Variants in TMEM44 observed in about 807,000 individuals in gnomAD.
TMEM44 encodes transmembrane protein 44.
Under a neutral mutation model 47.8 loss-of-function variants are expected in TMEM44, and 43 were observed. The observed-to-expected ratio is 0.90, with a 90% confidence interval of 0.70 to 1.16. The LOEUF (loss-of-function observed/expected upper bound fraction) is 1.16, where lower values mean the gene tolerates loss of function less well. Among genes scored for constraint, TMEM44 ranks in the 50% most tolerant of loss-of-function variants. The pLI is 0.00. For missense variants in TMEM44, 568 were observed against 555.2 expected, an observed-to-expected ratio of 1.02 and a Z score of -0.23; for synonymous variants, 277 against 238.8, an observed-to-expected ratio of 1.16 and a Z score of -1.48.
intron 5 of TMEM44, among the ~76,000 whole-genome samples, chr3:194,622,379 T>C (rs1165377891): frequency 1.3e-5 from 2 of 152,050 alleles, no homozygotes; most frequent in African/African-American, 4.8e-5. Context: ...TGTTTCTATC[T>C]TTCTTGAAGC....
intron 9 of TMEM44, among the ~76,000 whole-genome samples, chr3:194,591,823 T>TC (rs1560154620): frequency 6.6e-6 from 1 of 151,926 alleles, no homozygotes; most frequent in African/African-American, 2.4e-5. Context: ...GCCAGACTGG[T>TC]CTCCAACTCC....
rs373287099 is a variant in TMEM44, at chr3:194,617,669, G to A, written c.613-400C>T. 7.0e-4 allele frequency: 490 copies of A among 704,074 alleles called. 1 individual carries two copies. The highest frequency in any genetic ancestry group is 7.4e-4 in the Non-Finnish European group (283 of 384,992). 43.6% of individuals were successfully genotyped at this position (704,074 alleles called of 1,614,324 possible). ...TGCCCAGCACCTGACGCTGGGCAGCGGCTCGCCAATGTCCGCTGGGAGAAC... is the reference window on the plus strand; with the variant it reads ...TGCCCAGCACCTGACGCTGGGCAGCAGCTCGCCAATGTCCGCTGGGAGAAC... On this transcript the variant is annotated intron_variant, in intron 5 of 9. Transcript: ENST00000347147.
rs1172177472 is a variant in TMEM44 at position 194,625,746 on chromosome 3, CTGGGATTCCAGGCG to C, written c.358+137_358+150del. 4 of 635,838 alleles carry C rather than the reference CTGGGATTCCAGGCG, an allele frequency of 6.3e-6. No individual in the cohort carries two copies. In the East Asian group the frequency reaches 1.2e-4, roughly 20 times the overall value. The allele number at this position is 635,838 out of a possible 1,614,324, so 39.4% of individuals were successfully genotyped here. On this transcript the variant is annotated intron_variant, in intron 3 of 9. Transcript: ENST00000347147. ...CTGCCCACCTCAGCCTCCCAAAGTG[CTGGGATTCCAGGCG>C]TGAGCCACCGCGCCCAGCCTTTCTC...
At chr3:194,601,224 A>G (rs1714071493) in intron 9 of TMEM44, among the ~76,000 whole-genome samples, 1 of 151,376 alleles carries the variant, frequency 6.6e-6, no homozygotes, top group East Asian at 1.9e-4. Flanking sequence ...GCTCACTGCA[A>G]TCTCCGCCCC....
chr3:194,624,037 G>T (rs1716875607), intron 3 of TMEM44, among the ~76,000 whole-genome samples: 1 of 152,172 alleles, frequency 6.6e-6, no homozygotes, highest in Admixed American at 6.5e-5. Flanking sequence ...TCCTCTGGTG[G>T]TTTCTACAAT....
intron 8 of TMEM44, among the ~76,000 whole-genome samples, chr3:194,610,674 A>G (rs142043120): frequency 1.3e-5 from 2 of 152,034 alleles, no homozygotes; most frequent in African/African-American, 2.4e-5. Flanking sequence ...TTCTTTGTAC[A>G]TTTAAAGCTG....
In TMEM44 at chr3:194,623,026, G is replaced by A. The variant is rs373081263; in HGVS notation, c.612+198C>T. 330 of 487,864 alleles carry A rather than the reference G, an allele frequency of 6.8e-4. 2 individuals are homozygous for A. Among genetic ancestry groups the A allele is most frequent in the African/African-American group, 5.1e-3 (246 of 48,684 alleles). The allele number at this position is 487,864 out of a possible 1,614,324, so 30.2% of individuals were successfully genotyped here. On this transcript the variant is annotated intron_variant, in intron 5 of 9. Transcript: ENST00000347147. Reference sequence around the variant, plus strand: ...GAGAGGCTCCCGCCGTCCTCAGGACGCCCTGGGTTGGCTGCCCACTCTCCA... The same window carrying A: ...GAGAGGCTCCCGCCGTCCTCAGGACACCCTGGGTTGGCTGCCCACTCTCCA...
At chr3:194,623,400 C>G (rs1716791389) in intron 4 of TMEM44, 90 bp from the exon 5 acceptor site, 1 of 1,514,678 alleles carries the variant, frequency 6.6e-7, no homozygotes, top group Admixed American at 2.2e-5. Flanking sequence ...GAGTCCTTTT[C>G]TGCTTTTAGA....
chr3:194,632,825 C>T (rs1717958907), intron 1 of TMEM44: 1 of 507,758 alleles, frequency 2.0e-6, no homozygotes, highest in African/African-American at 2.0e-5. Context: ...ACCCAGGGCT[C>T]GCGGTGTCCT....
intron 5 of TMEM44, chr3:194,617,560 G>A (rs1169805755): frequency 4.6e-6 from 3 of 657,692 alleles, no homozygotes; most frequent in South Asian, 1.7e-5. Flanking sequence ...TCCCTCCAGC[G>A]GAGTACCTTT....
intron 9 of TMEM44, among the ~76,000 whole-genome samples, chr3:194,594,129 A>ATCTG (rs1182231663): frequency 5.8e-5 from 7 of 121,700 alleles, no homozygotes; most frequent in East Asian, 3.5e-4. Flanking sequence ...CTATCTATCT[A>ATCTG]TCTATCTATC....
chr3:194,625,100 C>T (rs1012151047), intron 3 of TMEM44, among the ~76,000 whole-genome samples: 2 of 152,230 alleles, frequency 1.3e-5, no homozygotes, highest in Non-Finnish European at 2.9e-5. Flanking sequence ...CTCGGGGCCA[C>T]TCATCCTGGC....
chr3:194,616,735 A>G, intron 6 of TMEM44: 1 of 393,080 alleles, frequency 2.5e-6, no homozygotes, highest in South Asian at 1.9e-5. Context: ...CTCCACTAAA[A>G]ATAACAAAAA....
intron 3 of TMEM44, among the ~76,000 whole-genome samples, 194 bp downstream of exon 3, chr3:194,625,686 TGGCCAGGATGGTCTGGA>T (rs1717087577): frequency 6.6e-6 from 1 of 152,186 alleles, no homozygotes; most frequent in Non-Finnish European, 1.5e-5. Flanking sequence ...TTCACCATGT[TGGCCAGGATGGTCTGGA>T]TCTCCTGACC....
chr3:194,631,087 G>A (rs371725187), intron 1 of TMEM44, among the ~76,000 whole-genome samples: 14 of 151,138 alleles, frequency 9.3e-5, no homozygotes, highest in South Asian at 6.3e-4. Context: ...CGTGCCTCCC[G>A]AAGGGGCTGG....
chr3:194,597,830 G>A, intron 9 of TMEM44, among the ~76,000 whole-genome samples: 1 of 152,144 alleles, frequency 6.6e-6, no homozygotes, highest in East Asian at 1.9e-4. Context: ...GCTGGGGGAA[G>A]TCAAGCCTGC....
intron 9 of TMEM44, among the ~76,000 whole-genome samples, chr3:194,600,798 G>A (rs1714010934): frequency 6.6e-6 from 1 of 152,096 alleles, no homozygotes; most frequent in Admixed American, 6.6e-5. Context: ...TAGATTACCA[G>A]AAGGACCAGG....
At chr3:194,631,168 T>G (rs1287665805) in intron 1 of TMEM44, among the ~76,000 whole-genome samples, 1 of 151,828 alleles carries the variant, frequency 6.6e-6, no homozygotes, top group Middle Eastern at 3.2e-3. Flanking sequence ...AGGGGCTGGC[T>G]GTTTCCCTCA....
At chr3:194,597,862 T>C (rs992217877) in intron 9 of TMEM44, among the ~76,000 whole-genome samples, 1 of 152,158 alleles carries the variant, frequency 6.6e-6, no homozygotes, top group African/African-American at 2.4e-5. Flanking sequence ...AGGTTCTGGC[T>C]GTCCCAGAAA....
Sources: allele counts gnomAD v4.1 joint callset (sites outside exome capture counted in the v4.1 genomes callset), GRCh38; gene constraint gnomAD v4.1.1; transcripts MANE v1.5; gene names NCBI Gene and HGNC (gene_info 2026-07-23, HGNC 2026-07-21).